VPS50: variants seen among roughly 807,000 people sequenced by gnomAD.
VPS50 encodes the protein syndetin.
A neutral mutation model predicts 139.7 loss-of-function variants in VPS50; 70 were observed. That is an observed-to-expected ratio of 0.50 (90% CI 0.41 to 0.61). The LOEUF is 0.61. Ranked by LOEUF, VPS50 falls within the 20% of genes least tolerant of loss-of-function variation. VPS50 has a pLI of 0.00. For missense variants in VPS50, 921 were observed against 1,133.7 expected, an observed-to-expected ratio of 0.81 and a Z score of 2.69; for synonymous variants, 365 against 376.7, an observed-to-expected ratio of 0.97 and a Z score of 0.36.
At chr7:93,256,469 T>C (rs1274457042) in intron 4 of VPS50, 40 bp from the exon 5 acceptor site, 2 of 944,088 alleles carry the variant, frequency 2.1e-6, no homozygotes, top group Non-Finnish European at 3.1e-6. Context: ...GCATGAAGTT[T>C]GTTCTTTTAT....
At position 93,294,596 on chromosome 7, in the gene VPS50, TAAA is replaced by T; in HGVS notation, c.1131_1133del (p.Lys379del). 6.3e-7 allele frequency: 1 copy of T among 1,599,704 alleles called. No homozygotes were observed. The highest frequency in any genetic ancestry group is 8.5e-7 in the Non-Finnish European group (1 of 1,174,478). On this transcript the variant is annotated inframe_deletion, in exon 14 of 28. Transcript: ENST00000305866. ...GAAACTAATTTTGATCGTGGCTACATAAAAAAGAAATTAGAACATGGACTTACA... is the reference window on the plus strand; with the variant it reads ...GAAACTAATTTTGATCGTGGCTACATAAAGAAATTAGAACATGGACTTACA...
intron 22 of VPS50, 21 bp from the exon 23 acceptor site, chr7:93,341,406 G>A (rs1246227289): frequency 3.2e-6 from 5 of 1,565,782 alleles, no homozygotes; most frequent in Middle Eastern, 1.7e-4. Flanking sequence ...ATTCCAGGTT[G>A]TATATCTATT....
At chr7:93,316,324 C>T (rs970380970) in intron 20 of VPS50, among the ~76,000 whole-genome samples, 1 of 152,084 alleles carries the variant, frequency 6.6e-6, no homozygotes, top group East Asian at 1.9e-4. Flanking sequence ...ACATAAGCTC[C>T]TTAAGGGATT....
At chr7:93,300,745 C>T (rs1796951402) in intron 16 of VPS50, among the ~76,000 whole-genome samples, 1 of 150,522 alleles carries the variant, frequency 6.6e-6, no homozygotes, top group Admixed American at 6.6e-5. Flanking sequence ...AACAGCTTAT[C>T]AAGTTTGGTC....
intron 9 of VPS50, among the ~76,000 whole-genome samples, chr7:93,264,817 A>G (rs1795792349): frequency 1.3e-5 from 2 of 152,112 alleles, no homozygotes; most frequent in African/African-American, 4.8e-5. Context: ...TGCCTTGAGT[A>G]ATGTTTGAAC....
chr7:93,348,156 G>A (rs1160917484), intron 23 of VPS50, among the ~76,000 whole-genome samples: 2 of 152,150 alleles, frequency 1.3e-5, no homozygotes, highest in Non-Finnish European at 2.9e-5. Context: ...TGGATGCAGT[G>A]CAACTGCAGG....
At chr7:93,284,671 A>G (rs545273128) in intron 12 of VPS50, among the ~76,000 whole-genome samples, 1 of 152,220 alleles carries the variant, frequency 6.6e-6, no homozygotes, top group East Asian at 1.9e-4. Context: ...TGCTAAAAGC[A>G]TATGCATATT....
intron 10 of VPS50, among the ~76,000 whole-genome samples, chr7:93,272,381 A>G (rs1796035177): frequency 6.6e-6 from 1 of 151,876 alleles, no homozygotes; most frequent in South Asian, 2.1e-4. Context: ...GTTTCCTGTA[A>G]AACACTAGGC....
intron 18 of VPS50, 124 bp downstream of exon 18, chr7:93,306,128 T>C (rs1169237271): frequency 3.0e-6 from 2 of 675,870 alleles, no homozygotes; most frequent in Non-Finnish European, 5.2e-6. Context: ...GTATACTTAA[T>C]GTACCTATGC....
chr7:93,350,275 G>A (rs1027414815), intron 25 of VPS50, among the ~76,000 whole-genome samples: 4 of 152,108 alleles, frequency 2.6e-5, no homozygotes, highest in Non-Finnish European at 5.9e-5. Context: ...GTATGTCGTG[G>A]CTGACTTTCA....
At chr7:93,258,936 T>A (rs1196112263) in intron 8 of VPS50, among the ~76,000 whole-genome samples, 1 of 152,048 alleles carries the variant, frequency 6.6e-6, no homozygotes, top group East Asian at 1.9e-4. Context: ...ATCTGTTGAA[T>A]TTAGAATTGA....
intron 12 of VPS50, among the ~76,000 whole-genome samples, chr7:93,285,726 A>G (rs1333065969): frequency 6.6e-6 from 1 of 152,198 alleles, no homozygotes; most frequent in Non-Finnish European, 1.5e-5. Flanking sequence ...GCCAAGTGTT[A>G]CTGTGAACTG....
intron 20 of VPS50, among the ~76,000 whole-genome samples, chr7:93,322,738 T>A (rs1222947162): frequency 1.3e-5 from 2 of 152,024 alleles, no homozygotes; most frequent in Admixed American, 6.6e-5. Flanking sequence ...GAAGAAAGTA[T>A]AGAGCATTTT....
At chr7:93,356,550 A>G (rs1413375155) in intron 27 of VPS50, among the ~76,000 whole-genome samples, 1 of 152,216 alleles carries the variant, frequency 6.6e-6, no homozygotes, top group Non-Finnish European at 1.5e-5. Context: ...GAGTGAAGAC[A>G]TTAATATTTA....
At chr7:93,253,305 G>A (rs1795389770) in intron 3 of VPS50, among the ~76,000 whole-genome samples, 1 of 152,150 alleles carries the variant, frequency 6.6e-6, no homozygotes, top group African/African-American at 2.4e-5. Flanking sequence ...TCAGTCAGTT[G>A]ACTGAGATTG....
intron 24 of VPS50, among the ~76,000 whole-genome samples, chr7:93,349,667 A>C (rs1798502639): frequency 6.6e-6 from 1 of 152,204 alleles, no homozygotes; most frequent in Admixed American, 6.5e-5. Context: ...CAATGGCTTC[A>C]AGTTTATTGA....
chr7:93,247,011 TG>T (rs1795175869), intron 2 of VPS50, among the ~76,000 whole-genome samples: 1 of 151,948 alleles, frequency 6.6e-6, no homozygotes, highest in Non-Finnish European at 1.5e-5. Context: ...CTAATATGAT[TG>T]TTTTTCTTCA....
In VPS50 at chr7:93,300,761, T is replaced by A. The variant is rs200562702; in HGVS notation, c.1362-2699T>A. ...ACAGCTTATCAAGTTTGGTCTCGTT[T>A]TGCTGTTGTTGATGTTGTTTTACTA... On this transcript the variant is annotated intron_variant, in intron 16 of 27. Coordinates refer to ENST00000305866, the MANE Select transcript of VPS50 (RefSeq NM_017667.4). 6.6e-5 allele frequency among the ~76,000 whole-genome samples: 10 copies of A among 152,068 alleles called. No individual in the cohort carries two copies. In the East Asian group the frequency reaches 1.9e-3, roughly 29 times the overall value.
chr7:93,317,224 A>G (rs927752404), intron 20 of VPS50, among the ~76,000 whole-genome samples: 1 of 152,138 alleles, frequency 6.6e-6, no homozygotes, highest in Non-Finnish European at 1.5e-5. Context: ...AAATTTTGGC[A>G]TGCGTCAGTA....
Sources: allele counts gnomAD v4.1 joint callset (sites outside exome capture counted in the v4.1 genomes callset), GRCh38; gene constraint gnomAD v4.1.1; transcripts MANE v1.5; gene names NCBI Gene and HGNC (gene_info 2026-07-23, HGNC 2026-07-21).